PARD3B: variants seen among roughly 807,000 people sequenced by gnomAD.
The protein encoded by PARD3B is par-3 family cell polarity regulator beta.
Under a neutral mutation model 130.2 loss-of-function variants are expected in PARD3B, and 103 were observed. The observed-to-expected ratio is 0.79, with a 90% CI of 0.67 to 0.93. The LOEUF (loss-of-function observed/expected upper bound fraction) is 0.93. Among genes scored for constraint, PARD3B ranks in the 40% least tolerant of loss-of-function variants. The pLI, the probability that PARD3B is intolerant of heterozygous loss-of-function variation, is 0.00. For missense variants in PARD3B, 1,609 were observed against 1,499.2 expected, an observed-to-expected ratio of 1.07 and a Z score of -1.21; for synonymous variants, 583 against 553.2, an observed-to-expected ratio of 1.05 and a Z score of -0.76.
intron 19 of PARD3B, among the ~76,000 whole-genome samples, chr2:205,423,216 C>T (rs552406311): frequency 1.3e-5 from 2 of 152,154 alleles, no homozygotes; most frequent in South Asian, 4.1e-4. Flanking sequence ...AATGTTGGCC[C>T]AGCCAGTGCT....
intron 2 of PARD3B, among the ~76,000 whole-genome samples, chr2:204,939,486 C>G (rs993488210): frequency 6.6e-6 from 1 of 152,144 alleles, no homozygotes; most frequent in South Asian, 2.1e-4. Context: ...TTATTCATGT[C>G]TGTGCTTCAA....
intron 18 of PARD3B, among the ~76,000 whole-genome samples, chr2:205,311,161 A>T (rs1183713056): frequency 1.3e-5 from 2 of 152,188 alleles, no homozygotes; most frequent in Non-Finnish European, 1.5e-5. Context: ...TCTTCTCGAC[A>T]TACCAATTTC....
chr2:204,977,626 G>A (rs963516296), intron 3 of PARD3B, among the ~76,000 whole-genome samples: 2 of 151,948 alleles, frequency 1.3e-5, no homozygotes, highest in African/African-American at 4.8e-5. Context: ...TGGCTAACAC[G>A]GTGAAACCCC....
At chr2:204,931,751 T>A (rs1559271649) in intron 2 of PARD3B, among the ~76,000 whole-genome samples, 1 of 152,054 alleles carries the variant, frequency 6.6e-6, no homozygotes, top group Non-Finnish European at 1.5e-5. Context: ...TAAATCCTCT[T>A]TGGGCTACAA....
chr2:205,172,443 T>A (rs1428313989), intron 12 of PARD3B, 62 bp downstream of exon 12: 1 of 1,503,984 alleles, frequency 6.6e-7, no homozygotes, highest in Non-Finnish European at 9.1e-7. Context: ...TATGCAGACT[T>A]CCATTCCTAG....
intron 2 of PARD3B, among the ~76,000 whole-genome samples, chr2:204,763,992 G>A (rs2041020494): frequency 6.6e-6 from 1 of 152,094 alleles, no homozygotes; most frequent in Non-Finnish European, 1.5e-5. Flanking sequence ...TTGTGGAATT[G>A]TAGCAGTCTC....
At position 205,230,482 on chromosome 2, in the gene PARD3B, T is replaced by G. The variant is rs550620983; in HGVS notation, c.2141-15296T>G. 2.6e-5 allele frequency among the ~76,000 whole-genome samples: 4 copies of G among 152,158 alleles called. No homozygotes were observed. Among genetic ancestry groups the G allele is most frequent in the Non-Finnish European group, 5.9e-5 (4 of 68,032 alleles). ...CAGGACTCTGCCCAGTGCCCCCTAC[T>G]GTGGTAGAGCTAGGATTCAAGTTGC... On this transcript the variant is annotated intron_variant, in intron 15 of 22. Transcript: ENST00000406610. The surrounding 1 kb of genome is among the most constrained non-coding windows in gnomAD (Gnocchi z 4.1).
At chr2:205,418,188 T>C (rs1461521107) in intron 19 of PARD3B, among the ~76,000 whole-genome samples, 3 of 152,220 alleles carry the variant, frequency 2.0e-5, no homozygotes, top group South Asian at 4.1e-4. Flanking sequence ...TGGACCTTTT[T>C]CCTTGAGATG....
rs2041621634 is a variant in PARD3B, at chr2:205,291,895, C to T, written c.2186-8635C>T. Among the ~76,000 whole-genome samples the T allele has an allele frequency of 6.6e-6, 1 of 152,202 alleles. No individual in the cohort carries two copies. The highest frequency in any genetic ancestry group is 2.4e-5 in the African/African-American group (1 of 41,446). ...AGAAGCCAGGAGCTATTCTCCAGGA[C>T]AATGGAAGAATGACTCTGAAGGCAA... On this transcript the variant is annotated intron_variant, in intron 16 of 22. Coordinates refer to ENST00000406610, the MANE Select transcript of PARD3B (RefSeq NM_001302769.2). This position sits in a 1 kb window ranked among gnomAD's most constrained non-coding sequence, Gnocchi z 4.6.
At chr2:205,554,691 A>T (rs943875155) in intron 22 of PARD3B, among the ~76,000 whole-genome samples, 1 of 152,206 alleles carries the variant, frequency 6.6e-6, no homozygotes, top group Non-Finnish European at 1.5e-5. Flanking sequence ...TATCCAAGAA[A>T]ACAAAGACAG....
chr2:205,529,343 A>G (rs1192829813), intron 21 of PARD3B, among the ~76,000 whole-genome samples: 1 of 152,202 alleles, frequency 6.6e-6, no homozygotes, highest in African/African-American at 2.4e-5. Context: ...ATATTTTTTA[A>G]AATGTAATTT....
chr2:205,132,303 G>T lies in PARD3B; in HGVS notation c.1434+6566G>T, dbSNP rs76698663. On this transcript the variant is annotated intron_variant, in intron 10 of 22. Coordinates refer to ENST00000406610, the MANE Select transcript of PARD3B (RefSeq NM_001302769.2). The stretch of plus-strand genomic sequence containing the variant: ...CAATAATTCCAAAGTTTTTAATTTG[G>T]CTGTGTTGTGATATTATTACTTGTT... Among the ~76,000 whole-genome samples, 924 of 152,166 alleles carry T rather than the reference G, an allele frequency of 6.1e-3. 13 individuals are homozygous for T. The highest frequency in any genetic ancestry group is 0.021 in the African/African-American group (879 of 41,504).
chr2:205,190,981 C>T (rs768028400), intron 14 of PARD3B, among the ~76,000 whole-genome samples: 4 of 148,516 alleles, frequency 2.7e-5, no homozygotes, highest in Non-Finnish European at 5.9e-5. Flanking sequence ...TCACAATTGG[C>T]ATATTTTGTC....
intron 2 of PARD3B, among the ~76,000 whole-genome samples, chr2:204,759,375 G>A (rs2040807983): frequency 6.6e-6 from 1 of 152,020 alleles, no homozygotes. Flanking sequence ...TCATTCCATG[G>A]AGGAAACTAT....
At chr2:205,006,584 A>G (rs1266699593) in intron 3 of PARD3B, among the ~76,000 whole-genome samples, 1 of 151,946 alleles carries the variant, frequency 6.6e-6, no homozygotes, top group Non-Finnish European at 1.5e-5. Flanking sequence ...ATTTTTTCAT[A>G]TGTTTATTGG....
In PARD3B at chr2:204,586,564, G is replaced by A. The variant is rs566907989; in HGVS notation, c.120+40445G>A. Among the ~76,000 whole-genome samples the A allele has an allele frequency of 6.6e-5, 10 of 152,210 alleles. No homozygotes were observed. The East Asian group carries it at 9.7e-4, about 15-fold the overall frequency. ...GCTTAAATTGCCAACCATGGGTCCC[G>A]GTAATGTGTTCTGACTTTATTTTCC... On this transcript the variant is annotated intron_variant, in intron 1 of 22. Coordinates refer to ENST00000406610, the MANE Select transcript of PARD3B (RefSeq NM_001302769.2).
chr2:205,323,430 T>C (rs1021528446), intron 18 of PARD3B, among the ~76,000 whole-genome samples: 3 of 152,170 alleles, frequency 2.0e-5, no homozygotes, highest in African/African-American at 7.2e-5. Context: ...ACTTCTAAGG[T>C]ACAGTCCTGA....
intron 19 of PARD3B, among the ~76,000 whole-genome samples, chr2:205,417,913 A>T (rs1425840274): frequency 6.6e-6 from 1 of 152,174 alleles, no homozygotes; most frequent in African/African-American, 2.4e-5. Context: ...TGAAAATCTA[A>T]CAAGCATGTG....
rs115327180 is a variant in PARD3B at position 205,161,713 on chromosome 2, G to A, written c.1620+2806G>A. On this transcript the variant is annotated intron_variant, in intron 11 of 22. Coordinates refer to ENST00000406610, the MANE Select transcript of PARD3B (RefSeq NM_001302769.2). Reference sequence around the variant, plus strand: ...TGGGGCAGAGGAGAGATCAGCACTGGGAACATCTTTGTCTCAGCATTTGGC... The same window carrying A: ...TGGGGCAGAGGAGAGATCAGCACTGAGAACATCTTTGTCTCAGCATTTGGC... Among the ~76,000 whole-genome samples the A allele has an allele frequency of 6.2e-3, 938 of 152,248 alleles. 14 individuals carry two copies. The highest frequency in any genetic ancestry group is 0.021 in the African/African-American group (892 of 41,554).
Sources: gnomAD v4.1 joint callset for allele counts (sites outside exome capture counted in the v4.1 genomes callset) on GRCh38, gnomAD v4.1.1 for gene constraint, Gnocchi (gnomAD v3.1) non-coding constraint, MANE v1.5 for transcripts, NCBI Gene and HGNC (gene_info 2026-07-23, HGNC 2026-07-21) for gene names.